CYSRT1: variants seen among roughly 807,000 people sequenced by gnomAD.
The protein encoded by CYSRT1 is cysteine-rich tail protein 1.
CYSRT1 carries 7 observed loss-of-function variants against 6.2 expected under a neutral mutation model. That is an observed-to-expected ratio of 1.13 (90% CI 0.64 to 2.13). The LOEUF (loss-of-function observed/expected upper bound fraction) is 2.13, where lower values mean the gene tolerates loss of function less well. Ranked by LOEUF, CYSRT1 falls within the 30% of genes most tolerant of loss-of-function variation. The probability of loss-of-function intolerance (pLI) is 0.00; values close to 1 mark genes in which losing one functional copy is unlikely to be tolerated. For missense variants in CYSRT1, 188 were observed against 196.4 expected, an observed-to-expected ratio of 0.96 and a Z score of 0.26; for synonymous variants, 75 against 83.1, an observed-to-expected ratio of 0.90 and a Z score of 0.53.
At chr9:137,225,373 C>T in intron 1 of CYSRT1, 140 bp downstream of exon 1, 1 of 1,154,146 alleles carries the variant, frequency 8.7e-7, no homozygotes, top group South Asian at 1.6e-5. Flanking sequence ...GGGAGGATCC[C>T]TGGCAGGGGT....
chr9:137,225,897 CAGCAGTCAGCGCCAGGCCGGA>C lies in CYSRT1; in HGVS notation c.277_297del (p.Ser93_Gly99del). 4 of 1,545,610 alleles carry C rather than the reference CAGCAGTCAGCGCCAGGCCGGA, an allele frequency of 2.6e-6. No homozygotes were observed. The highest frequency in any genetic ancestry group is 1.7e-6 in the Non-Finnish European group (2 of 1,146,770). On this transcript the variant is annotated inframe_deletion, in exon 2 of 2. Transcript: ENST00000650725. ...GGCAGCAGCCTGGCAACCCCTACAGCAGCAGTCAGCGCCAGGCCGGACTGACCTACGCTGGCCCTCCGCCCG... is the reference window on the plus strand; with the variant it reads ...GGCAGCAGCCTGGCAACCCCTACAGCCTGACCTACGCTGGCCCTCCGCCCG...
At position 137,225,967 on chromosome 9, in the gene CYSRT1, C is replaced by T; in HGVS notation, c.346C>T (p.His116Tyr). 6.5e-7 allele frequency: 1 copy of T among 1,549,034 alleles called. No homozygotes were observed. Among genetic ancestry groups the T allele is most frequent in the Non-Finnish European group, 8.7e-7 (1 of 1,146,686 alleles). Residue 116 changes from histidine to tyrosine, a missense_variant, in exon 2 of 2, where the codon CAC (histidine) becomes TAC (tyrosine). By Grantham distance (83) the His-to-Tyr change is moderately conservative. Transcript: ENST00000650725. ...PPAGRGDDIA[H>Y]HCCCCPCCHC... ...CGCGGGGCGCGGGGATGACATCGCC[C>T]ACCACTGCTGCTGCTGCCCCTGCTG...
At chr9:137,225,357 G>A (rs1835947234) in intron 1 of CYSRT1, 124 bp downstream of exon 1, 3 of 1,122,988 alleles carry the variant, frequency 2.7e-6, no homozygotes, top group African/African-American at 3.1e-5. Context: ...ATGCCACCAG[G>A]GGAGGGGGAG....
At chr9:137,225,558 G>A (rs998873658) in intron 1 of CYSRT1, 56 bp from the exon 2 acceptor site, 1 of 1,487,256 alleles carries the variant, frequency 6.7e-7, no homozygotes, top group African/African-American at 1.4e-5. Context: ...GCAGGCTCGT[G>A]GGCAGCCATC....
In CYSRT1 at chr9:137,226,094, G is replaced by T; in HGVS notation, c.*38G>T. ...TGCCAGGGCCAGGACCCAGACTTCAGCAAATGTGGCTCACACAGTGCCGGG... is the reference window on the plus strand; with the variant it reads ...TGCCAGGGCCAGGACCCAGACTTCATCAAATGTGGCTCACACAGTGCCGGG... On this transcript the variant is annotated 3_prime_UTR_variant, in exon 2 of 2. Transcript: ENST00000650725. The T allele has an allele frequency of 6.5e-7, 1 of 1,533,970 alleles. No individual in the cohort carries two copies.
chr9:137,225,277 G>A, intron 1 of CYSRT1, 44 bp downstream of exon 1: 8 of 1,438,068 alleles, frequency 5.6e-6, no homozygotes, highest in Non-Finnish European at 6.7e-6. Context: ...CAGGGGCACT[G>A]CAGGGTCAGC....
rs1835971397 is a variant in CYSRT1 at position 137,226,154 on chromosome 9, G to A, written c.*98G>A. Reference sequence around the variant, plus strand: ...GACATGCGGGGTGGCTGTTGTCATGGGCGTCTGCCCCTTCACACCAGGCAC... The same window carrying A: ...GACATGCGGGGTGGCTGTTGTCATGAGCGTCTGCCCCTTCACACCAGGCAC... On this transcript the variant is annotated 3_prime_UTR_variant, in exon 2 of 2. Coordinates refer to ENST00000650725, the MANE Select transcript of CYSRT1 (RefSeq NM_199001.5). 1 of 1,484,096 alleles carries A rather than the reference G, an allele frequency of 6.7e-7. No homozygotes were observed. Among genetic ancestry groups the A allele is most frequent in the Admixed American group, 2.1e-5 (1 of 47,110 alleles). 91.9% of individuals were successfully genotyped at this position (1,484,096 alleles called of 1,614,324 possible).
At chr9:137,225,489 C>G in intron 1 of CYSRT1, 125 bp from the exon 2 acceptor site, 2 of 1,446,516 alleles carry the variant, frequency 1.4e-6, no homozygotes, top group Non-Finnish European at 1.8e-6. Context: ...GGCACTGATG[C>G]CTTGGGGATG....
Position 137,225,833 on chromosome 9 carries a change from G to T in CYSRT1, c.212G>T (p.Gly71Val). Residue 71 changes from glycine to valine, a missense_variant, in exon 2 of 2, where the codon GGT becomes GTT. Transcript: ENST00000650725. ...TEVPGPKGAKGNQGAAPIQNQ... is the reference protein window; with the variant it reads ...TEVPGPKGAKVNQGAAPIQNQ... ...GTCCCAGGGCCCAAGGGCGCCAAGG[G>T]TAACCAGGGGGCTGCCCCCATCCAG... 6.5e-7 allele frequency: 1 copy of T among 1,548,040 alleles called. No individual in the cohort carries two copies. The highest frequency in any genetic ancestry group is 8.7e-7 in the Non-Finnish European group (1 of 1,146,872).
Position 137,225,672 on chromosome 9 carries a change from C to G in CYSRT1, c.51C>G (p.Ile17Met). ...VVKNPYAHIS[I>M]PRAHLRPDLG... is the part of the protein sequence containing the mutation. ...AGAACCCATATGCCCACATCAGCAT[C>G]CCCCGGGCTCACCTGCGGCCTGACC... Residue 17 changes from isoleucine (I) to methionine (M), a missense_variant, in exon 2 of 2, where the codon ATC (isoleucine) becomes ATG (methionine). Ile to Met is a conservative substitution (Grantham distance 10). Transcript: ENST00000650725. 6.4e-7 allele frequency: 1 copy of G among 1,550,422 alleles called. No individual in the cohort carries two copies.
At position 137,226,012 on chromosome 9, in the gene CYSRT1, C is replaced by G. The variant is rs754974022; in HGVS notation, c.391C>G (p.Pro131Ala). The change falls in exon 2 of 2, where the codon CCC becomes GCC. Residue 131 changes from proline to alanine, a missense_variant. Coordinates refer to ENST00000650725, the MANE Select transcript of CYSRT1 (RefSeq NM_199001.5). ...CTGCTGCCACTGCTGCCACTGCCCCCCCTTCTGCCGCTGCCACAGCTGCTG... is the reference window on the plus strand; with the variant it reads ...CTGCTGCCACTGCTGCCACTGCCCCGCCTTCTGCCGCTGCCACAGCTGCTG... ...CPCCHCCHCPPFCRCHSCCCC... is the reference protein window; with the variant it reads ...CPCCHCCHCPAFCRCHSCCCC... 9 of 1,549,030 alleles carry G rather than the reference C, an allele frequency of 5.8e-6. No individual in the cohort carries two copies. The highest frequency in any genetic ancestry group is 2.4e-5 in the South Asian group (2 of 83,998).
At position 137,225,437 on chromosome 9, in the gene CYSRT1, T is replaced by C. The variant is rs933671798; in HGVS notation, c.-8-177T>C. 4.6e-5 allele frequency among the ~76,000 whole-genome samples: 7 copies of C among 152,246 alleles called. 1 individual carries two copies. The highest frequency in any genetic ancestry group is 1.7e-4 in the African/African-American group (7 of 41,474). On this transcript the variant is annotated intron_variant, in intron 1 of 1. Transcript: ENST00000650725. The stretch of plus-strand genomic sequence containing the variant: ...CTTGCTCACACTTGGCTCACACCCA[T>C]GACACTAGCCTTGCACACACATTTG...
At position 137,225,219 on chromosome 9, in the gene CYSRT1, G is replaced by C. The variant is rs893420735; in HGVS notation, c.-23G>C. The C allele has an allele frequency of 1.9e-6, 3 of 1,550,250 alleles. No individual in the cohort carries two copies. In the Admixed American group the frequency reaches 5.9e-5, roughly 30 times the overall value. On this transcript the variant is annotated 5_prime_UTR_variant, in exon 1 of 2. Coordinates refer to ENST00000650725, the MANE Select transcript of CYSRT1 (RefSeq NM_199001.5). ...CAGAAGACCGAGAGGACAGACTGCCGTGTTGCCACCACAGGTAAGCCCTTG... is the reference window on the plus strand; with the variant it reads ...CAGAAGACCGAGAGGACAGACTGCCCTGTTGCCACCACAGGTAAGCCCTTG...
In CYSRT1 at chr9:137,225,702, G is replaced by A; in HGVS notation, c.81G>A (p.Gly27=). The A allele has an allele frequency of 6.4e-7, 1 of 1,550,410 alleles. No individual in the cohort carries two copies. Among genetic ancestry groups the A allele is most frequent in the South Asian group, 1.2e-5 (1 of 84,068 alleles). Residue 27 remains glycine, a synonymous_variant, in exon 2 of 2, where the codon GGG becomes GGA. Transcript: ENST00000650725. ...GGGCTCACCTGCGGCCTGACCTGGG[G>A]CAGCAGTTAGAGGTGGCTTCCACCT... ...IPRAHLRPDL[G]QQLEVASTCS...
In CYSRT1 at chr9:137,225,984, C is replaced by T. The variant is rs1420392679; in HGVS notation, c.363C>T (p.Cys121=). 6.5e-7 allele frequency: 1 copy of T among 1,549,224 alleles called. No homozygotes were observed. Among genetic ancestry groups the T allele is most frequent in the Admixed American group, 2.0e-5 (1 of 50,990 alleles). ...ACATCGCCCACCACTGCTGCTGCTG[C>T]CCCTGCTGCCACTGCTGCCACTGCC... ...GDDIAHHCCC[C]PCCHCCHCPP... The change falls in exon 2 of 2, where the codon TGC becomes TGT. Residue 121 remains cysteine, a synonymous_variant. Coordinates refer to ENST00000650725, the MANE Select transcript of CYSRT1 (RefSeq NM_199001.5).
rs766034541 is a variant in CYSRT1, at chr9:137,225,982, T to C, written c.361T>C (p.Cys121Arg). ...TGACATCGCCCACCACTGCTGCTGCTGCCCCTGCTGCCACTGCTGCCACTG... is the reference window on the plus strand; with the variant it reads ...TGACATCGCCCACCACTGCTGCTGCCGCCCCTGCTGCCACTGCTGCCACTG... ...GDDIAHHCCC[C>R]PCCHCCHCPP... Residue 121 changes from cysteine to arginine, a missense_variant, in exon 2 of 2, where the codon TGC becomes CGC. Cys to Arg is a radical substitution (Grantham distance 180, BLOSUM62 -3). Transcript: ENST00000650725. 3 of 1,549,104 alleles carry C rather than the reference T, an allele frequency of 1.9e-6. No individual in the cohort carries two copies.
chr9:137,225,368 G>T, intron 1 of CYSRT1, 135 bp downstream of exon 1: 1 of 1,134,128 alleles, frequency 8.8e-7, no homozygotes. Flanking sequence ...GGAGGGGGAG[G>T]ATCCCTGGCA....
At position 137,226,030 on chromosome 9, in the gene CYSRT1, A is replaced by AGCT. The variant is rs1281931617; in HGVS notation, c.420_422dup (p.Cys141dup). On this transcript the variant is annotated inframe_insertion, in exon 2 of 2. Transcript: ENST00000650725. Reference sequence around the variant, plus strand: ...CTGCCCCCCCTTCTGCCGCTGCCACAGCTGCTGCTGCTGTGTCATCTCCTA... The same window carrying AGCT: ...CTGCCCCCCCTTCTGCCGCTGCCACAGCTGCTGCTGCTGCTGTGTCATCTCCTA... 3 of 1,548,632 alleles carry AGCT rather than the reference A, an allele frequency of 1.9e-6. No homozygotes were observed. The highest frequency in any genetic ancestry group is 2.7e-5 in the African/African-American group (2 of 72,986).
intron 1 of CYSRT1, 58 bp downstream of exon 1, chr9:137,225,291 C>G: frequency 7.3e-7 from 1 of 1,377,382 alleles, no homozygotes; most frequent in Non-Finnish European, 1.0e-6. Flanking sequence ...GGTCAGCCCC[C>G]TTCTCTCCCA....
Sources: gnomAD v4.1 joint callset for allele counts (sites outside exome capture counted in the v4.1 genomes callset) on GRCh38, gnomAD v4.1.1 for gene constraint, MANE v1.5 for transcripts, NCBI Gene and HGNC (gene_info 2026-07-23, HGNC 2026-07-21) for gene names.